The following KCNMB3 variants were observed in gnomAD, a reference collection of about 807,000 sequenced individuals.
KCNMB3 encodes calcium-activated potassium channel subunit beta-3.
KCNMB3 carries 18 observed loss-of-function variants against 11.9 expected under a neutral mutation model. The observed-to-expected ratio is 1.51, with a 90% CI of 1.04 to 2.23. KCNMB3 has a LOEUF of 2.23. Among genes scored for constraint, KCNMB3 ranks in the 30% most tolerant of loss-of-function variants. KCNMB3 has a pLI of 0.00. For missense variants in KCNMB3, 247 were observed against 329.4 expected (o/e 0.75, Z 1.94); for synonymous variants, 78 against 119.2 (o/e 0.65, Z 2.25).
intron 1 of KCNMB3, among the ~76,000 whole-genome samples, chr3:179,257,469 G>A (rs1230723890): frequency 2.6e-5 from 4 of 152,046 alleles, no homozygotes; most frequent in African/African-American, 7.2e-5. Flanking sequence ...ATTTTTAAAT[G>A]TTTCTTTATA....
At chr3:179,250,704 T>C in intron 1 of KCNMB3, 39 bp downstream of exon 1, 1 of 1,605,062 alleles carries the variant, frequency 6.2e-7, no homozygotes, top group East Asian at 2.2e-5. Flanking sequence ...GGATCTTATC[T>C]GAATTGGAAA....
chr3:179,256,757 T>G (rs955219396), intron 1 of KCNMB3, among the ~76,000 whole-genome samples: 2 of 151,886 alleles, frequency 1.3e-5, no homozygotes, highest in African/African-American at 4.8e-5. Flanking sequence ...AGGGAAAAAC[T>G]CATGAAAAAG....
intron 1 of KCNMB3, chr3:179,259,104 G>A (rs920453028): frequency 7.1e-5 from 113 of 1,592,724 alleles, no homozygotes; most frequent in East Asian, 2.5e-4. Flanking sequence ...GAAGTCCCCC[G>A]GCTCTCCTCC....
intron 1 of KCNMB3, among the ~76,000 whole-genome samples, chr3:179,249,288 C>A (rs1284092035): frequency 2.7e-5 from 4 of 148,862 alleles, no homozygotes; most frequent in African/African-American, 9.8e-5. Context: ...GCTGGGATTA[C>A]AGGCGTGAGC....
intron 1 of KCNMB3, chr3:179,258,803 T>C (rs56400023): frequency 7.6e-7 from 1 of 1,309,168 alleles, no homozygotes; most frequent in African/African-American, 1.4e-5. Context: ...GAATGTACAC[T>C]GATAACAAAT....
upstream of KCNMB3, among the ~76,000 whole-genome samples, chr3:179,256,173 C>A (rs1726004312): frequency 6.6e-6 from 1 of 152,214 alleles, no homozygotes; most frequent in African/African-American, 2.4e-5. Flanking sequence ...CAGTGGCTCA[C>A]GCCTGTAATC....
upstream of KCNMB3, chr3:179,266,984 T>TTC (rs10629420): frequency 0.49 from 561,838 of 1,137,230 alleles, 144,921 homozygotes; most frequent in East Asian, 0.67. Flanking sequence ...CCGAAGCTGC[T>TTC]TCTCTCTCTT....
upstream of KCNMB3, chr3:179,266,972 A>T: frequency 1.6e-6 from 2 of 1,250,592 alleles, no homozygotes; most frequent in South Asian, 5.6e-5. Context: ...GGTTTGCTGC[A>T]GCCGAAGCTG....
chr3:179,240,023 C>G, downstream of KCNMB3: 1 of 1,547,674 alleles, frequency 6.5e-7, no homozygotes, highest in South Asian at 1.2e-5. Context: ...CAGAAACTGT[C>G]AATGTCTGCT....
At chr3:179,261,821 C>T (rs1459055854) in intron 1 of KCNMB3, among the ~76,000 whole-genome samples, 1 of 152,164 alleles carries the variant, frequency 6.6e-6, no homozygotes, top group Non-Finnish European at 1.5e-5. Context: ...ATGGATTTGT[C>T]AGGATGTAAT....
rs1725568476 is a variant in KCNMB3, at chr3:179,244,522, A to G, written c.420T>C (p.Asn140=). 6.2e-7 allele frequency: 1 copy of G among 1,614,190 alleles called. No homozygotes were observed. ...HPGQKALLHY[N]EEAVQINPKC... is the part of the protein sequence containing the mutation. The stretch of plus-strand genomic sequence containing the variant: ...TGGGATTTATCTGGACAGCCTCTTC[A>G]TTATAATGTAGGAGAGCTTTCTGAC... The change falls in exon 2 of 3, where the codon AAT becomes AAC. Residue 140 remains asparagine (N), a synonymous_variant. Coordinates refer to ENST00000392685, the MANE Select transcript of KCNMB3 (RefSeq NM_171830.2).
chr3:179,261,631 G>A (rs1276699410), intron 1 of KCNMB3, among the ~76,000 whole-genome samples: 2 of 151,280 alleles, frequency 1.3e-5, no homozygotes, highest in African/African-American at 4.9e-5. Flanking sequence ...TATGAATTCA[G>A]TAGAAACTGT....
chr3:179,249,187 G>T (rs1217608983), intron 1 of KCNMB3, among the ~76,000 whole-genome samples: 1 of 150,416 alleles, frequency 6.6e-6, no homozygotes, highest in Non-Finnish European at 1.5e-5. Context: ...TAATTTTTTT[G>T]TATTTTTAGT....
intron 1 of KCNMB3, among the ~76,000 whole-genome samples, chr3:179,246,849 T>C (rs1725659932): frequency 6.6e-6 from 1 of 152,192 alleles, no homozygotes; most frequent in Non-Finnish European, 1.5e-5. Context: ...TTCTGTCCCA[T>C]GCACAAGGCC....
upstream of KCNMB3, among the ~76,000 whole-genome samples, chr3:179,254,186 G>A (rs1725937558): frequency 6.6e-6 from 1 of 152,126 alleles, no homozygotes; most frequent in Non-Finnish European, 1.5e-5. Flanking sequence ...GACCCCAAAG[G>A]ACTTAAAAGT....
upstream of KCNMB3, among the ~76,000 whole-genome samples, chr3:179,256,452 AT>A (rs1471908265): frequency 6.6e-6 from 1 of 152,038 alleles, no homozygotes; most frequent in African/African-American, 2.4e-5. Flanking sequence ...AAAAAAAGAT[AT>A]TAATTCTACA....
chr3:179,259,811 G>A lies in KCNMB3; in HGVS notation c.62+6838C>T, dbSNP rs1291959567. Reference sequence around the variant, plus strand: ...CTTCATCTGGCTCTTTCATATCTGAGGGTTCACTTTGAGTGTCTACTGTAC... The same window carrying A: ...CTTCATCTGGCTCTTTCATATCTGAAGGTTCACTTTGAGTGTCTACTGTAC... On this transcript the variant is annotated intron_variant, in intron 1 of 3. Coordinates refer to the KCNMB3 transcript ENST00000349697. 1.9e-6 allele frequency: 3 copies of A among 1,604,142 alleles called. No individual in the cohort carries two copies. In the Admixed American group the frequency reaches 5.2e-5, roughly 28 times the overall value.
intron 1 of KCNMB3, chr3:179,258,813 T>C: frequency 1.5e-6 from 2 of 1,364,750 alleles, no homozygotes; most frequent in Non-Finnish European, 2.0e-6. Context: ...TGATAACAAA[T>C]ATGTCTTTCT....
downstream of KCNMB3, chr3:179,241,611 C>A (rs1405037487): frequency 3.3e-5 from 5 of 152,412 alleles, no homozygotes; most frequent in Non-Finnish European, 7.3e-5. Context: ...TTTAAAGATA[C>A]TTTGAGGCAC....
Sources: gnomAD v4.1 joint callset for allele counts (sites outside exome capture counted in the v4.1 genomes callset) on GRCh38, gnomAD v4.1.1 for gene constraint, MANE v1.5 for transcripts, NCBI Gene and HGNC (gene_info 2026-07-23, HGNC 2026-07-21) for gene names.